ZFX: variants seen among roughly 807,000 people sequenced by gnomAD.
ZFX encodes zinc finger X-chromosomal protein.
For synonymous variants in ZFX, 196 were observed against 226.8 expected, an observed-to-expected ratio of 0.86 and a Z score of 1.22; for missense variants, 362 against 628.3, an observed-to-expected ratio of 0.58 and a Z score of 4.53.
chrX:24,190,830 G>GA (rs940852497), intron 5 of ZFX, among the ~76,000 whole-genome samples: 2 of 112,417 alleles, frequency 1.8e-5, no homozygotes, highest in African/African-American at 3.2e-5. Context: ...CTCATTAGCT[G>GA]AATGAATTCG....
chrX:24,154,339 A>T (rs1335380480), intron 3 of ZFX, among the ~76,000 whole-genome samples: 1 of 111,420 alleles, frequency 9.0e-6, no homozygotes, highest in Non-Finnish European at 1.9e-5. Flanking sequence ...AGAAGTAACC[A>T]CCTGTCCCAA....
Position 24,208,971 on chromosome X carries a change from G to A in ZFX, c.1165G>A (p.Gly389Ser). The A allele has an allele frequency of 8.3e-7, 1 of 1,211,547 alleles. No individual in the cohort carries two copies. Among genetic ancestry groups the A allele is most frequent in the Non-Finnish European group, 1.1e-6 (1 of 895,501 alleles). ...SALLHIDESA[G>S]LGRLAKQKPK... ...CCTCTTGCACATAGATGAGTCTGCTGGCCTCGGCAGACTGGCTAAACAAAA... is the reference window on the plus strand; with the variant it reads ...CCTCTTGCACATAGATGAGTCTGCTAGCCTCGGCAGACTGGCTAAACAAAA... The change falls in exon 9 of 10, where the codon GGC (glycine) becomes AGC (serine). Residue 389 changes from glycine to serine, a missense_variant. By Grantham distance (56) the Gly-to-Ser change is moderately conservative. Transcript: ENST00000304543.
In ZFX at chrX:24,199,637, G is replaced by A. The variant is rs192686060; in HGVS notation, c.647-7689G>A. On this transcript the variant is annotated intron_variant, in intron 5 of 9. Transcript: ENST00000304543. ...AAATGGGATCAAGAGTTTTTGCTTA[G>A]CCGGGCACGGTGGCTCATGCCTGTA... is the stretch of plus-strand genomic sequence containing the variant. Among the ~76,000 whole-genome samples the A allele has an allele frequency of 8.1e-5, 9 of 111,373 alleles. No individual in the cohort carries two copies. The East Asian group carries it at 2.5e-3, about 32-fold the overall frequency.
intron 3 of ZFX, among the ~76,000 whole-genome samples, chrX:24,169,883 G>A (rs375524993): frequency 5.4e-5 from 6 of 111,079 alleles, no homozygotes; most frequent in African/African-American, 2.0e-4. Context: ...TGAGCAGCCA[G>A]CAGTTAAGAA....
chrX:24,179,037 A>AT, intron 4 of ZFX, 146 bp from the exon 5 acceptor site: 1 of 497,182 alleles, frequency 2.0e-6, no homozygotes, highest in East Asian at 3.7e-5. Flanking sequence ...TCAAAAATAG[A>AT]TTCCCTCTTT....
chrX:24,155,540 A>G (rs1932738135), intron 3 of ZFX, among the ~76,000 whole-genome samples: 2 of 112,298 alleles, frequency 1.8e-5, no homozygotes, highest in African/African-American at 3.2e-5. Context: ...TCTTGGGATT[A>G]TATACATATA....
At chrX:24,199,263 T>C (rs1188784870) in intron 5 of ZFX, among the ~76,000 whole-genome samples, 2 of 109,167 alleles carry the variant, frequency 1.8e-5, no homozygotes, top group East Asian at 5.8e-4. Flanking sequence ...AGTGAATCTT[T>C]TTTTTTTTTT....
rs1386499651 is a variant in ZFX at position 24,163,832 on chromosome X, A to T, written c.-28-8883A>T. On this transcript the variant is annotated intron_variant, in intron 3 of 9. Coordinates refer to ENST00000304543, the MANE Select transcript of ZFX (RefSeq NM_003410.4). ...CCACTGTGCCCAGGCCCCCTCTTTT[A>T]AAAAAAAGAAAAAAAAAAAAAAAAA... Among the ~76,000 whole-genome samples the T allele has an allele frequency of 4.9e-4, 26 of 53,308 alleles. 1 individual carries two copies. The highest frequency in any genetic ancestry group is 3.3e-4 in the Non-Finnish European group (10 of 30,661). The allele number at this position is 53,308 out of a possible 115,157, so 46.3% of individuals were successfully genotyped here.
chrX:24,165,235 C>T (rs1035726420), intron 3 of ZFX, among the ~76,000 whole-genome samples: 2 of 112,434 alleles, frequency 1.8e-5, no homozygotes, highest in Non-Finnish European at 3.8e-5. Flanking sequence ...GTTCCCCTGC[C>T]TCAGCCTCCT....
chrX:24,200,125 A>G (rs1937195708), intron 5 of ZFX, among the ~76,000 whole-genome samples: 1 of 110,868 alleles, frequency 9.0e-6, no homozygotes, highest in South Asian at 3.8e-4. Context: ...TTATGGGCTT[A>G]GTTGCTGGTA....
chrX:24,165,306 A>G (rs1933896490), intron 3 of ZFX, among the ~76,000 whole-genome samples: 1 of 111,676 alleles, frequency 9.0e-6, no homozygotes, highest in South Asian at 3.7e-4. Flanking sequence ...ATTGTAGTAG[A>G]GACAGGGTTT....
At chrX:24,167,837 C>A (rs908389344) in intron 3 of ZFX, among the ~76,000 whole-genome samples, 37 of 111,780 alleles carry the variant, frequency 3.3e-4, no homozygotes, top group Non-Finnish European at 5.3e-4. Flanking sequence ...AGTATAGAAA[C>A]AACAAGAAAC....
chrX:24,156,284 CTGTT>C (rs1384716325), intron 3 of ZFX, among the ~76,000 whole-genome samples: 1 of 111,662 alleles, frequency 9.0e-6, no homozygotes, highest in Non-Finnish European at 1.9e-5. Context: ...GCTTTTAGCT[CTGTT>C]TGTGGAAAGT....
In ZFX at chrX:24,187,529, A is replaced by T. The variant is rs185439154; in HGVS notation, c.646+7759A>T. On this transcript the variant is annotated intron_variant, in intron 5 of 9. Transcript: ENST00000304543. ...TTGGGAGGGTTTAAGCATTTTTTTT[A>T]TTTAACTCATTCTAGCAGAAGCCCA... Among the ~76,000 whole-genome samples, 675 of 111,758 alleles carry T rather than the reference A, an allele frequency of 6.0e-3. 4 individuals are homozygous for T. Among genetic ancestry groups the T allele is most frequent in the Non-Finnish European group, 9.5e-3 (506 of 53,133 alleles).
In ZFX at chrX:24,210,889, A is replaced by G; in HGVS notation, c.1931A>G (p.Asn644Ser). Residue 644 changes from asparagine to serine, a missense_variant, in exon 10 of 10, where the codon AAC (asparagine) becomes AGC (serine). Asn to Ser is a conservative substitution (Grantham distance 46). Coordinates refer to ENST00000304543, the MANE Select transcript of ZFX (RefSeq NM_003410.4). ...QCLHCDHKSS[N>S]SSDLKRHIIS... ...TTGCATTGCGACCACAAGAGTTCGA[A>G]CTCAAGTGATTTGAAACGACACATA... 1 of 1,211,445 alleles carries G rather than the reference A, an allele frequency of 8.3e-7. No individual in the cohort carries two copies. The highest frequency in any genetic ancestry group is 1.1e-6 in the Non-Finnish European group (1 of 895,402).
At position 24,209,814 on chromosome X, in the gene ZFX, C is replaced by T. The variant is rs765173201; in HGVS notation, c.1235-379C>T. Among the ~76,000 whole-genome samples, 9 of 111,680 alleles carry T rather than the reference C, an allele frequency of 8.1e-5. No homozygotes were observed. In the East Asian group the frequency reaches 2.5e-3, roughly 31 times the overall value. The stretch of plus-strand genomic sequence containing the variant: ...CAGGGTGGTCTCGAATTCCTGAGTT[C>T]AGGTGATCTGCCTGCCTCGGCTTCC... On this transcript the variant is annotated intron_variant, in intron 9 of 9. Transcript: ENST00000304543.
intron 4 of ZFX, among the ~76,000 whole-genome samples, chrX:24,178,105 T>C (rs1432009916): frequency 9.3e-6 from 1 of 107,350 alleles, no homozygotes; most frequent in African/African-American, 3.4e-5. Context: ...ATAATTTTTG[T>C]ATTTTTAGTA....
chrX:24,172,291 T>A (rs1934701463), intron 3 of ZFX, among the ~76,000 whole-genome samples: 1 of 112,166 alleles, frequency 8.9e-6, no homozygotes, highest in Non-Finnish European at 1.9e-5. Context: ...GTATTTTAAG[T>A]TGAATCTTAA....
At chrX:24,171,205 G>T (rs959103361) in intron 3 of ZFX, among the ~76,000 whole-genome samples, 2 of 111,622 alleles carry the variant, frequency 1.8e-5, no homozygotes, top group Non-Finnish European at 3.8e-5. Context: ...GGGAAAAATT[G>T]TTTCCAGCTT....
Sources: gnomAD v4.1 joint callset for allele counts (sites outside exome capture counted in the v4.1 genomes callset) on GRCh38, gnomAD v4.1.1 for gene constraint, MANE v1.5 for transcripts, NCBI Gene and HGNC (gene_info 2026-07-23, HGNC 2026-07-21) for gene names.